Variants in RNF212B observed in about 807,000 individuals in gnomAD.
RNF212B encodes the protein E3 ubiquitin-protein ligase RNF212B.
A neutral mutation model predicts 55.5 loss-of-function variants in RNF212B; 52 were observed. The observed-to-expected ratio is 0.94, with a 90% confidence interval of 0.75 to 1.18. The LOEUF (loss-of-function observed/expected upper bound fraction) is 1.18, where lower values mean the gene tolerates loss of function less well. Among genes scored for constraint, RNF212B ranks in the 50% most tolerant of loss-of-function variants. RNF212B has a pLI of 0.00. For missense variants in RNF212B, 289 were observed against 350.4 expected, an observed-to-expected ratio of 0.82 and a Z score of 1.40; for synonymous variants, 99 against 121.4, an observed-to-expected ratio of 0.82 and a Z score of 1.21.
intron 1 of RNF212B, among the ~76,000 whole-genome samples, chr14:23,238,702 A>G (rs1009137077): frequency 1.3e-5 from 2 of 151,246 alleles, no homozygotes; most frequent in African/African-American, 4.8e-5. Context: ...CTGCCACTGC[A>G]CTCCAACCTG....
At chr14:23,252,671 T>C (rs11629105) in intron 4 of RNF212B, among the ~76,000 whole-genome samples, 2 of 152,062 alleles carry the variant, frequency 1.3e-5, no homozygotes, top group Admixed American at 6.6e-5. Flanking sequence ...GGTTAAGGAA[T>C]GCAGGTTGAA....
chr14:23,262,807 C>G, intron 8 of RNF212B, 96 bp downstream of exon 8: 1 of 1,445,312 alleles, frequency 6.9e-7, no homozygotes, highest in South Asian at 1.2e-5. Context: ...TGTGATCTTC[C>G]TAACTTTATG....
chr14:23,232,318 G>C (rs545831113), intron 2 of RNF212B, among the ~76,000 whole-genome samples: 3 of 148,636 alleles, frequency 2.0e-5, no homozygotes, highest in South Asian at 2.2e-4. Flanking sequence ...GGTGAGGAGC[G>C]TCTCTGCCCG....
intron 9 of RNF212B, 131 bp from the exon 10 acceptor site, chr14:23,264,043 G>A: frequency 1.6e-6 from 1 of 632,244 alleles, no homozygotes; most frequent in East Asian, 2.9e-5. Flanking sequence ...AGCTAAGCTT[G>A]TGCCATTGTG....
Position 23,260,585 on chromosome 14 carries a change from C to G in RNF212B, c.406-74C>G, listed in dbSNP as rs1885220903. 3.6e-6 allele frequency: 5 copies of G among 1,406,860 alleles called. No homozygotes were observed. The African/African-American group carries it at 7.1e-5, about 20-fold the overall frequency. 87.1% of individuals were successfully genotyped at this position (1,406,860 alleles called of 1,614,324 possible). ...AGGGGCACTGAGCTTAGTTATCTCG[C>G]AAGTAAGACTGAAGATCTGTTGATT... On this transcript the variant is annotated intron_variant, in intron 6 of 14. Coordinates refer to ENST00000430154, the MANE Select transcript of RNF212B (RefSeq NM_001282322.3).
intron 2 of RNF212B, among the ~76,000 whole-genome samples, chr14:23,199,516 T>G (rs1240934010): frequency 6.6e-6 from 1 of 152,192 alleles, no homozygotes; most frequent in East Asian, 1.9e-4. Context: ...TTTAATTTCC[T>G]TTCATATTTC....
At chr14:23,202,301 A>G (rs1330178356) in intron 2 of RNF212B, among the ~76,000 whole-genome samples, 1 of 151,942 alleles carries the variant, frequency 6.6e-6, no homozygotes, top group East Asian at 1.9e-4. Flanking sequence ...AAAACTTGTT[A>G]ATCTAATACA....
intron 2 of RNF212B, among the ~76,000 whole-genome samples, chr14:23,200,856 T>C (rs1039949098): frequency 6.6e-6 from 1 of 152,186 alleles, no homozygotes; most frequent in Non-Finnish European, 1.5e-5. Context: ...GTTTCTTCAA[T>C]TGTGTCCTGT....
intron 11 of RNF212B, among the ~76,000 whole-genome samples, chr14:23,266,818 C>T (rs1472183992): frequency 6.6e-6 from 1 of 152,180 alleles, no homozygotes; most frequent in Non-Finnish European, 1.5e-5. Context: ...GTGGTGTATT[C>T]TATAGAGTCT....
chr14:23,253,233 C>T (rs775742829), intron 4 of RNF212B, among the ~76,000 whole-genome samples: 8 of 152,132 alleles, frequency 5.3e-5, no homozygotes, highest in Non-Finnish European at 1.0e-4. Flanking sequence ...TTATCAGTCC[C>T]CATTCACATT....
At chr14:23,204,657 G>T (rs777667321) in intron 2 of RNF212B, among the ~76,000 whole-genome samples, 2 of 152,156 alleles carry the variant, frequency 1.3e-5, no homozygotes, top group Non-Finnish European at 2.9e-5. Flanking sequence ...CAGTTAGTGT[G>T]ATACCTCCAG....
At chr14:23,211,785 C>T (rs1372837734) in intron 2 of RNF212B, among the ~76,000 whole-genome samples, 1 of 152,162 alleles carries the variant, frequency 6.6e-6, no homozygotes, top group Non-Finnish European at 1.5e-5. Flanking sequence ...TGCAGTGGTG[C>T]AAACTTGGCT....
chr14:23,264,194 C>T lies in RNF212B; in HGVS notation c.545C>T (p.Ser182Phe). The stretch of plus-strand genomic sequence containing the variant: ...TACAGTCGGTCCTCCTCAGCGGAAT[C>T]TATTCCTTATAGAGAGGCTGGCTTT... ...QVVSRSSSAE[S>F]IPYREAGFGS... The change falls in exon 10 of 15, where the codon TCT (serine) becomes TTT (phenylalanine). Residue 182 changes from serine to phenylalanine, a missense_variant. By Grantham distance (155) the Ser-to-Phe change is radical (BLOSUM62 -2). Coordinates refer to ENST00000430154, the MANE Select transcript of RNF212B (RefSeq NM_001282322.3). 6.5e-7 allele frequency: 1 copy of T among 1,550,170 alleles called. No homozygotes were observed. Among genetic ancestry groups the T allele is most frequent in the South Asian group, 1.2e-5 (1 of 84,030 alleles).
chr14:23,270,207 T>C (rs1359358550), intron 13 of RNF212B, among the ~76,000 whole-genome samples: 2 of 152,204 alleles, frequency 1.3e-5, no homozygotes, highest in South Asian at 2.1e-4. Flanking sequence ...GGTTGGCCTA[T>C]AGGATTAAAC....
chr14:23,205,894 A>G lies in RNF212B; in HGVS notation c.-2+12493A>G, dbSNP rs187038969. Among the ~76,000 whole-genome samples the G allele has an allele frequency of 7.4e-4, 113 of 152,372 alleles. 1 individual carries two copies. Among genetic ancestry groups the G allele is most frequent in the African/African-American group, 2.5e-3 (106 of 41,594 alleles). ...CTGGGTTTATAGTTTTGTAACTTCT[A>G]TGCCAAATTTTGACACCTTACATTA... On this transcript the variant is annotated intron_variant, in intron 2 of 15. Transcript: ENST00000399910.
rs552323510 is a variant in RNF212B at position 23,190,317 on chromosome 14, T to C, written c.-78-3008T>C. Among the ~76,000 whole-genome samples, 8 of 152,332 alleles carry C rather than the reference T, an allele frequency of 5.3e-5. No individual in the cohort carries two copies. In the South Asian group the frequency reaches 1.7e-3, roughly 32 times the overall value. ...GAGCTATCTAACCACCTAATTGATG[T>C]CTCTGTTTTGGGTGTTTAATAGGCA... On this transcript the variant is annotated intron_variant, in intron 1 of 15. Coordinates refer to the RNF212B transcript ENST00000399910.
At chr14:23,259,844 CCT>C (rs1692528597) in intron 5 of RNF212B, 38 bp from the exon 6 acceptor site, 1 of 1,217,404 alleles carries the variant, frequency 8.2e-7, no homozygotes, top group Non-Finnish European at 1.1e-6. Flanking sequence ...GTTTTTAATC[CCT>C]GATTTGCTGG....
intron 1 of RNF212B, among the ~76,000 whole-genome samples, chr14:23,188,813 G>A (rs1050994926): frequency 6.6e-6 from 1 of 152,222 alleles, no homozygotes; most frequent in African/African-American, 2.4e-5. Context: ...TGAGGGCAAA[G>A]ACCTGCTTTG....
intron 4 of RNF212B, among the ~76,000 whole-genome samples, chr14:23,257,797 T>G (rs1884958962): frequency 6.6e-6 from 1 of 152,156 alleles, no homozygotes. Context: ...CTTCTGTGCC[T>G]CTCCACCCTT....
Sources: allele counts gnomAD v4.1 joint callset (sites outside exome capture counted in the v4.1 genomes callset), GRCh38; gene constraint gnomAD v4.1.1; transcripts MANE v1.5; gene names NCBI Gene and HGNC (gene_info 2026-07-23, HGNC 2026-07-21).